COPS9: variants seen among roughly 807,000 people sequenced by gnomAD.
COPS9 encodes COP9 signalosome subunit 9.
COPS9 carries 8 observed loss-of-function variants against 7.2 expected under a neutral mutation model. The observed-to-expected ratio is 1.11, with a 90% CI of 0.65 to 2.00. COPS9 has a LOEUF of 2.00. Among genes scored for constraint, COPS9 ranks in the 30% most tolerant of loss-of-function variants. The probability of loss-of-function intolerance (pLI) is 0.00; values close to 1 mark genes in which losing one functional copy is unlikely to be tolerated. For missense variants in COPS9, 74 were observed against 77.7 expected (o/e 0.95, Z 0.18); for synonymous variants, 39 against 28.7 (o/e 1.36, Z -1.14).
intron 1 of COPS9, among the ~76,000 whole-genome samples, chr2:240,135,059 G>T (rs1167395928): frequency 2.0e-5 from 3 of 152,098 alleles, no homozygotes; most frequent in Non-Finnish European, 4.4e-5. Flanking sequence ...CGGGAGCGGG[G>T]TGCACAGAGC....
intron 2 of COPS9, among the ~76,000 whole-genome samples, chr2:240,133,259 C>A (rs923320753): frequency 1.6e-4 from 24 of 152,152 alleles, no homozygotes; most frequent in African/African-American, 5.8e-4. Flanking sequence ...TTATTTGAAC[C>A]CTTAGTAAAG....
rs141442179 is a variant in COPS9, at chr2:240,133,811, G to A, written c.136+122C>T. ...ACAGAGGCTGCACTGCATTCTGAGA[G>A]GAGCGCAGGGGCTCTACCACCTTAT... On this transcript the variant is annotated intron_variant, in intron 2 of 2. Transcript: ENST00000607357. 2,207 of 921,060 alleles carry A rather than the reference G, an allele frequency of 2.4e-3. 16 individuals are homozygous for A. Among genetic ancestry groups the A allele is most frequent in the Middle Eastern group, 0.015 (66 of 4,526 alleles). 57.1% of individuals were successfully genotyped at this position (921,060 alleles called of 1,614,324 possible).
intron 1 of COPS9, among the ~76,000 whole-genome samples, chr2:240,135,263 G>A (rs925151439): frequency 1.3e-5 from 2 of 151,988 alleles, no homozygotes; most frequent in African/African-American, 2.4e-5. Flanking sequence ...CCCACTACCT[G>A]GCAAACACCA....
chr2:240,136,341 G>A (rs774385996), upstream of COPS9: 6 of 1,511,736 alleles, frequency 4.0e-6, no homozygotes, highest in South Asian at 1.3e-5. Context: ...TCCGGCGCGC[G>A]CCACATGGCA....
At chr2:240,128,005 G>A (rs1031793379), downstream of COPS9, among the ~76,000 whole-genome samples, 9 of 152,148 alleles carry the variant, frequency 5.9e-5, no homozygotes, top group African/African-American at 1.9e-4. Flanking sequence ...AGTATTTTGG[G>A]ACTAATTGGA....
downstream of COPS9, among the ~76,000 whole-genome samples, chr2:240,129,334 T>G (rs1002781491): frequency 6.6e-6 from 1 of 152,188 alleles, no homozygotes; most frequent in African/African-American, 2.4e-5. Flanking sequence ...AGCTCATTTT[T>G]TTAATTTTTG....
chr2:240,130,601 G>A (rs529052275), downstream of COPS9, among the ~76,000 whole-genome samples: 41 of 152,372 alleles, frequency 2.7e-4, no homozygotes, highest in African/African-American at 6.0e-4. Flanking sequence ...GGGCGGCCCC[G>A]TGGCAAGGTC....
chr2:240,128,638 C>T (rs1006895528), downstream of COPS9, among the ~76,000 whole-genome samples: 1 of 147,164 alleles, frequency 6.8e-6, no homozygotes. Context: ...GTATAAAAAC[C>T]GAGAAAATAC....
At chr2:240,134,646 C>A (rs2071956312) in intron 1 of COPS9, among the ~76,000 whole-genome samples, 1 of 152,150 alleles carries the variant, frequency 6.6e-6, no homozygotes, top group Non-Finnish European at 1.5e-5. Context: ...GCTGCCCTGG[C>A]CCCAGCATTC....
intron 1 of COPS9, among the ~76,000 whole-genome samples, chr2:240,134,832 CTACCTCCA>C (rs2071958769): frequency 6.6e-6 from 1 of 152,158 alleles, no homozygotes; most frequent in African/African-American, 2.4e-5. Flanking sequence ...AAGCTTGTCC[CTACCTCCA>C]TCTGCCTCAT....
At chr2:240,131,915 C>A (rs1226223661) in intron 2 of COPS9, among the ~76,000 whole-genome samples, 3 of 152,210 alleles carry the variant, frequency 2.0e-5, no homozygotes, top group Non-Finnish European at 4.4e-5. Context: ...CCACAGCATC[C>A]AGCCTTCCTG....
At chr2:240,130,317 T>C (rs893045693), downstream of COPS9, among the ~76,000 whole-genome samples, 2 of 152,196 alleles carry the variant, frequency 1.3e-5, no homozygotes, top group African/African-American at 4.8e-5. Flanking sequence ...CACTTCGAGA[T>C]GGATGTCAAA....
downstream of COPS9, chr2:240,130,031 G>A (rs1322963006): frequency 1.2e-6 from 2 of 1,610,010 alleles, no homozygotes; most frequent in African/African-American, 1.3e-5. Context: ...CTGAGCTGCT[G>A]AGCCCCAACA....
chr2:240,131,082 T>C lies in COPS9; in HGVS notation c.143A>G (p.Glu48Gly). The change falls in exon 3 of 3, where the codon GAA becomes GGA. Residue 48 changes from glutamate to glycine, a missense_variant. Glu to Gly is a moderately conservative substitution (Grantham distance 98, BLOSUM62 -2). Transcript: ENST00000607357. ...GATGTCATCATCATCAAAAAGATCT[T>C]CAAAATCTAGGGAAATAAGCAAAAC... ...AVHADFFNDF[E>G]DLFDDDDIQ The C allele has an allele frequency of 1.2e-6, 2 of 1,612,716 alleles. No individual in the cohort carries two copies. The highest frequency in any genetic ancestry group is 1.7e-6 in the Non-Finnish European group (2 of 1,179,576).
downstream of COPS9, chr2:240,129,963 G>C (rs374935553): frequency 2.5e-6 from 4 of 1,613,866 alleles, no homozygotes; most frequent in Admixed American, 5.0e-5. Context: ...CCCGTGCTCC[G>C]ACTGCCCTCG....
At chr2:240,126,836 T>A (rs770512154), downstream of COPS9, 11 of 1,614,242 alleles carry the variant, frequency 6.8e-6, no homozygotes, top group South Asian at 1.1e-4. Context: ...ACAGCGGATG[T>A]TCTCTGCATC....
chr2:240,131,179 A>C, intron 2 of COPS9, 91 bp from the exon 3 acceptor site: 2 of 1,354,088 alleles, frequency 1.5e-6, no homozygotes, highest in Non-Finnish European at 2.1e-6. Context: ...AGTCCAAAAT[A>C]CAGAGATAAT....
At chr2:240,134,153 C>T (rs1413787998) in intron 1 of COPS9, 148 bp from the exon 2 acceptor site, 12 of 679,944 alleles carry the variant, frequency 1.8e-5, no homozygotes, top group South Asian at 1.6e-4. Context: ...GTTCCAGACA[C>T]AGGAATGTGT....
chr2:240,135,496 G>A (rs2071967633), intron 1 of COPS9, among the ~76,000 whole-genome samples: 1 of 152,178 alleles, frequency 6.6e-6, no homozygotes, highest in African/African-American at 2.4e-5. Context: ...ATAAGGCCCT[G>A]ACATGTAGGA....
Sources: gnomAD v4.1 joint callset for allele counts (sites outside exome capture counted in the v4.1 genomes callset) on GRCh38, gnomAD v4.1.1 for gene constraint, MANE v1.5 for transcripts, NCBI Gene and HGNC (gene_info 2026-07-23, HGNC 2026-07-21) for gene names.